The following NTNG1 variants were observed in gnomAD, a reference collection of about 807,000 sequenced individuals.
NTNG1 encodes the protein netrin G1.
Under a neutral mutation model 54.0 loss-of-function variants are expected in NTNG1, and 16 were observed. That is an observed-to-expected ratio of 0.30 (90% CI 0.20 to 0.45). NTNG1 has a LOEUF of 0.45. Ranked by LOEUF, NTNG1 falls within the 20% of genes least tolerant of loss-of-function variation. The probability of loss-of-function intolerance (pLI) is 1.00; values close to 1 mark genes in which losing one functional copy is unlikely to be tolerated. For synonymous variants in NTNG1, 255 were observed against 263.1 expected, an observed-to-expected ratio of 0.97 and a Z score of 0.30; for missense variants, 530 against 678.7, an observed-to-expected ratio of 0.78 and a Z score of 2.43.
chr1:107,360,219 A>G (rs570681369), intron 3 of NTNG1, among the ~76,000 whole-genome samples: 8 of 152,346 alleles, frequency 5.3e-5, no homozygotes, highest in African/African-American at 1.9e-4. Context: ...AAAACAATAA[A>G]TATAATTTCA....
chr1:107,418,560 A>G, intron 5 of NTNG1: 1 of 1,566,102 alleles, frequency 6.4e-7, no homozygotes, highest in African/African-American at 1.4e-5. Flanking sequence ...ACATACCCTG[A>G]TTTTTCCTGA....
At position 107,141,071 on chromosome 1, in the gene NTNG1, T is replaced by C. The variant is rs1557753652; in HGVS notation, c.-595T>C. The C allele has an allele frequency of 1.3e-5, 2 of 152,346 alleles. No individual in the cohort carries two copies. The highest frequency in any genetic ancestry group is 2.4e-5 in the African/African-American group (1 of 41,412). The allele number at this position is 152,346 out of a possible 1,614,324, so 9.4% of individuals were successfully genotyped here. On this transcript the variant is annotated 5_prime_UTR_variant, in exon 1 of 8. Transcript: ENST00000370068. Reference sequence around the variant, plus strand: ...GGAAGAGGACGTCAACGGGAAGGAATTCCCCCTCTGGGTGCGGGCTCCGAG... The same window carrying C: ...GGAAGAGGACGTCAACGGGAAGGAACTCCCCCTCTGGGTGCGGGCTCCGAG...
intron 3 of NTNG1, among the ~76,000 whole-genome samples, chr1:107,347,251 C>T (rs577943101): frequency 6.6e-6 from 1 of 152,146 alleles, no homozygotes; most frequent in African/African-American, 2.4e-5. Flanking sequence ...TGGTGGCTCA[C>T]ACCTGTAATC....
chr1:107,278,459 A>C (rs1177108195), intron 2 of NTNG1, among the ~76,000 whole-genome samples: 1 of 152,200 alleles, frequency 6.6e-6, no homozygotes, highest in Non-Finnish European at 1.5e-5. Context: ...TAGTAGATCC[A>C]AAACAGAGGC....
At chr1:107,163,639 G>A (rs1655566747) in intron 2 of NTNG1, among the ~76,000 whole-genome samples, 1 of 152,034 alleles carries the variant, frequency 6.6e-6, no homozygotes, top group African/African-American at 2.4e-5. Context: ...TAAATTAAAC[G>A]AAGTGTATTC....
intron 2 of NTNG1, among the ~76,000 whole-genome samples, chr1:107,309,095 G>C (rs900784499): frequency 6.6e-6 from 1 of 152,062 alleles, no homozygotes; most frequent in Non-Finnish European, 1.5e-5. Context: ...CTCACAACTA[G>C]ATAATTAAAG....
intron 2 of NTNG1, among the ~76,000 whole-genome samples, chr1:107,304,249 A>G (rs1035772134): frequency 1.3e-5 from 2 of 150,028 alleles, no homozygotes; most frequent in African/African-American, 4.9e-5. Context: ...TCTCTAGGAT[A>G]TGAATTGCCT....
chr1:107,217,079 AC>A (rs1480237857), intron 2 of NTNG1, among the ~76,000 whole-genome samples: 1 of 152,042 alleles, frequency 6.6e-6, no homozygotes, highest in Non-Finnish European at 1.5e-5. Context: ...CTGGTCCCAG[AC>A]TTTTTTTGTT....
intron 3 of NTNG1, among the ~76,000 whole-genome samples, chr1:107,386,701 C>T (rs183495602): frequency 2.8e-4 from 42 of 152,124 alleles, no homozygotes; most frequent in African/African-American, 7.7e-4. Flanking sequence ...TTAATATTTG[C>T]GTACAAGTTT....
chr1:107,146,184 C>A (rs1214281190), intron 1 of NTNG1, among the ~76,000 whole-genome samples: 4 of 151,962 alleles, frequency 2.6e-5, no homozygotes, highest in African/African-American at 9.7e-5. Flanking sequence ...ACAGTCAATT[C>A]CGGGTCTTCA....
At chr1:107,211,794 T>C (rs1253354022) in intron 2 of NTNG1, among the ~76,000 whole-genome samples, 1 of 152,178 alleles carries the variant, frequency 6.6e-6, no homozygotes, top group Non-Finnish European at 1.5e-5. Context: ...TGTTCTTTCA[T>C]TGCACCTGTA....
intron 2 of NTNG1, among the ~76,000 whole-genome samples, chr1:107,310,657 T>C (rs56352708): frequency 0.065 from 9,925 of 152,104 alleles, 484 homozygotes; most frequent in African/African-American, 0.13. Context: ...ATTTTGAAAA[T>C]TGGATTTAGA....
chr1:107,243,951 TAGG>T lies in NTNG1; in HGVS notation c.247-80328_247-80326del, dbSNP rs536567654. 2.1e-3 allele frequency among the ~76,000 whole-genome samples: 317 copies of T among 152,322 alleles called. 4 individuals are homozygous for T. Among genetic ancestry groups the T allele is most frequent in the Non-Finnish European group, 1.3e-3 (89 of 68,024 alleles). The stretch of plus-strand genomic sequence containing the variant: ...GAAGTAAAGTGGCTACAGAAAATGT[TAGG>T]AGATTTTGTTTTATTTTGACATGAA... On this transcript the variant is annotated intron_variant, in intron 2 of 7. Transcript: ENST00000370068.
intron 2 of NTNG1, among the ~76,000 whole-genome samples, chr1:107,205,857 T>A (rs922320290): frequency 6.6e-6 from 1 of 152,212 alleles, no homozygotes; most frequent in African/African-American, 2.4e-5. Context: ...TGACTTCTTA[T>A]AGCATATGCT....
chr1:107,395,417 T>C (rs375901079), intron 4 of NTNG1, 91 bp downstream of exon 4: 2 of 1,169,570 alleles, frequency 1.7e-6, no homozygotes, highest in Non-Finnish European at 2.6e-6. Context: ...TTTATTCCTC[T>C]TACCAGTTGT....
chr1:107,233,697 T>C (rs1416473987), intron 2 of NTNG1, among the ~76,000 whole-genome samples: 1 of 152,098 alleles, frequency 6.6e-6, no homozygotes, highest in African/African-American at 2.4e-5. Flanking sequence ...GATTAGAGAG[T>C]GTACATGGAA....
chr1:107,151,747 ATCCATGAATG>A (rs1243507999), intron 2 of NTNG1, among the ~76,000 whole-genome samples: 1 of 152,156 alleles, frequency 6.6e-6, no homozygotes, highest in African/African-American at 2.4e-5. Context: ...GCCAGTGACT[ATCCATGAATG>A]TTGCATTTAT....
At chr1:107,314,151 T>A (rs922631716) in intron 2 of NTNG1, among the ~76,000 whole-genome samples, 2 of 152,170 alleles carry the variant, frequency 1.3e-5, no homozygotes, top group African/African-American at 2.4e-5. Flanking sequence ...ATGCCTGTAA[T>A]CCCAGCACTT....
chr1:107,200,817 G>A (rs1658697388), intron 2 of NTNG1, among the ~76,000 whole-genome samples: 1 of 151,736 alleles, frequency 6.6e-6, no homozygotes, highest in African/African-American at 2.4e-5. Context: ...TTTACCAAAT[G>A]CTTATTGTGT....
Sources: gnomAD v4.1 joint callset for allele counts (sites outside exome capture counted in the v4.1 genomes callset) on GRCh38, gnomAD v4.1.1 for gene constraint, MANE v1.5 for transcripts, NCBI Gene and HGNC (gene_info 2026-07-23, HGNC 2026-07-21) for gene names.